The following TUSC3 variants were observed in gnomAD, a reference collection of about 807,000 sequenced individuals.
TUSC3 encodes the protein tumor suppressor candidate 3.
Under a neutral mutation model 44.8 loss-of-function variants are expected in TUSC3, and 45 were observed. That is an observed-to-expected ratio of 1.00 (90% CI 0.79 to 1.29). The LOEUF is 1.29. TUSC3 is among the 50% of genes most tolerant of loss of function. The pLI is 0.00. For synonymous variants in TUSC3, 212 were observed against 152.9 expected, an observed-to-expected ratio of 1.39 and a Z score of -2.85; for missense variants, 519 against 437.9, an observed-to-expected ratio of 1.19 and a Z score of -1.65.
At chr8:15,771,894 C>T in the TUSC3 span, among the ~76,000 whole-genome samples, 1 of 152,072 alleles carries the variant, frequency 6.6e-6, no homozygotes, top group African/African-American at 2.4e-5. Flanking sequence ...CGAGACCATC[C>T]TGGCTAACAC....
intron 1 of TUSC3, among the ~76,000 whole-genome samples, chr8:15,607,993 G>C (rs1804607116): frequency 6.6e-6 from 1 of 152,184 alleles, no homozygotes; most frequent in African/African-American, 2.4e-5. Flanking sequence ...CAGTGATACA[G>C]CAAGTGCAGT....
At chr8:15,757,743 G>A in intron 9 of TUSC3, 48 bp from the exon 10 acceptor site, 1 of 1,476,466 alleles carries the variant, frequency 6.8e-7, no homozygotes. Context: ...TCAATCTTAA[G>A]GATTATTTTT....
intron 6 of TUSC3, among the ~76,000 whole-genome samples, chr8:15,700,868 G>A (rs1158347496): frequency 2.3e-5 from 1 of 43,232 alleles, no homozygotes; most frequent in African/African-American, 1.2e-4. Flanking sequence ...TTTTTTTTTT[G>A]CTTTGCCTGT....
chr8:15,576,152 G>A (rs1443934741), intron 1 of TUSC3, among the ~76,000 whole-genome samples: 1 of 151,070 alleles, frequency 6.6e-6, no homozygotes, highest in Non-Finnish European at 1.5e-5. Context: ...AATGATGTGT[G>A]CAGAATTCTT....
At chr8:15,773,605 C>T in the TUSC3 span, among the ~76,000 whole-genome samples, 483 of 152,204 alleles carry the variant, frequency 3.2e-3, 3 homozygotes, top group East Asian at 0.04. Flanking sequence ...TATGAAAATG[C>T]ATGGGGTCCT....
intron 6 of TUSC3, among the ~76,000 whole-genome samples, chr8:15,697,661 G>A (rs559160827): frequency 1.6e-4 from 24 of 152,312 alleles, no homozygotes; most frequent in African/African-American, 5.5e-4. Context: ...CATAGAAAAT[G>A]ACCAGACCTA....
At chr8:15,746,182 T>G (rs766396489) in intron 8 of TUSC3, among the ~76,000 whole-genome samples, 2 of 152,042 alleles carry the variant, frequency 1.3e-5, no homozygotes, top group Admixed American at 6.6e-5. Context: ...AATAAGAAAT[T>G]TGTAGTAAAT....
chr8:15,771,058 T>C (rs1164059701), downstream of TUSC3, among the ~76,000 whole-genome samples: 1 of 152,148 alleles, frequency 6.6e-6, no homozygotes, highest in African/African-American at 2.4e-5. Context: ...TCAGTAAGAT[T>C]AATAGCCAGT....
chr8:15,838,947 G>A, the TUSC3 span, among the ~76,000 whole-genome samples: 2 of 152,176 alleles, frequency 1.3e-5, no homozygotes, highest in South Asian at 4.1e-4. Context: ...ATTACCTTGG[G>A]CAGTATGGCC....
chr8:15,662,026 G>A, intron 4 of TUSC3, 130 bp from the exon 5 acceptor site: 2 of 958,268 alleles, frequency 2.1e-6, no homozygotes, highest in South Asian at 1.4e-5. Context: ...AGTAGTGCTA[G>A]TGTCACGTAT....
intron 7 of TUSC3, 124 bp from the exon 8 acceptor site, chr8:15,743,414 T>G: frequency 2.1e-6 from 2 of 933,928 alleles, no homozygotes; most frequent in South Asian, 1.3e-5. Flanking sequence ...ATAAAGGTAA[T>G]TGATTGTATT....
At chr8:15,546,083 G>C (rs144642923) in intron 1 of TUSC3, among the ~76,000 whole-genome samples, 1 of 151,908 alleles carries the variant, frequency 6.6e-6, no homozygotes, top group East Asian at 2.0e-4. Context: ...AGGTTTATTT[G>C]TTATATAACA....
chr8:15,812,658 A>G, the TUSC3 span, among the ~76,000 whole-genome samples: 1 of 152,342 alleles, frequency 6.6e-6, no homozygotes, highest in Admixed American at 6.5e-5. Context: ...GGGTGTCTGG[A>G]AAACTCCCTA....
intron 1 of TUSC3, among the ~76,000 whole-genome samples, chr8:15,434,123 A>G (rs1021614069): frequency 1.1e-4 from 16 of 152,208 alleles, no homozygotes; most frequent in African/African-American, 3.9e-4. Flanking sequence ...AATCCTTAGT[A>G]TTATCAAACT....
Position 15,579,059 on chromosome 8 carries a change from T to C in TUSC3, c.138+38491T>C, listed in dbSNP as rs530412179. On this transcript the variant is annotated intron_variant, in intron 1 of 10. Transcript: ENST00000503731. ...TTTAGTCTTGGGAGAGTGTATGTGT[T>C]GAGGAATTTATCCATTTCTTCTAGA... Among the ~76,000 whole-genome samples, 210 of 151,832 alleles carry C rather than the reference T, an allele frequency of 1.4e-3. 2 individuals carry two copies. The highest frequency in any genetic ancestry group is 3.5e-3 in the African/African-American group (147 of 41,478).
intron 1 of TUSC3, among the ~76,000 whole-genome samples, chr8:15,433,154 A>G (rs1799898030): frequency 6.6e-6 from 1 of 152,030 alleles, no homozygotes; most frequent in African/African-American, 2.4e-5. Context: ...TTTTATTATA[A>G]TTTTTTAAAG....
chr8:15,638,186 C>T (rs1037865485), intron 2 of TUSC3, among the ~76,000 whole-genome samples: 3 of 151,846 alleles, frequency 2.0e-5, no homozygotes, highest in Admixed American at 1.3e-4. Context: ...TATTTCGCCT[C>T]TGCTAGGATC....
chr8:15,522,057 A>G (rs1334625966), intron 2 of TUSC3, among the ~76,000 whole-genome samples: 1 of 152,172 alleles, frequency 6.6e-6, no homozygotes, highest in African/African-American at 2.4e-5. Context: ...TTCTTTCCTC[A>G]ATGCTATGGC....
At chr8:15,585,347 A>G (rs1180797716) in intron 1 of TUSC3, among the ~76,000 whole-genome samples, 1 of 152,192 alleles carries the variant, frequency 6.6e-6, no homozygotes, top group Non-Finnish European at 1.5e-5. Context: ...ACAATGTAGC[A>G]GTTTCTTATT....
Sources: allele counts gnomAD v4.1 joint callset (sites outside exome capture counted in the v4.1 genomes callset), GRCh38; gene constraint gnomAD v4.1.1; transcripts MANE v1.5; gene names NCBI Gene and HGNC (gene_info 2026-07-23, HGNC 2026-07-21).